SLC25A26: variants seen among roughly 807,000 people sequenced by gnomAD.
The protein encoded by SLC25A26 is solute carrier family 25 member 26.
A neutral mutation model predicts 37.8 loss-of-function variants in SLC25A26; 36 were observed. The ratio of observed to expected loss-of-function variants is 0.95; its 90% CI spans 0.73 to 1.26. SLC25A26 has a LOEUF of 1.26. Among genes scored for constraint, SLC25A26 ranks in the 50% most tolerant of loss-of-function variants. SLC25A26 has a pLI of 0.00. For missense variants in SLC25A26, 390 were observed against 331.1 expected, an observed-to-expected ratio of 1.18 and a Z score of -1.38; for synonymous variants, 129 against 122.5, an observed-to-expected ratio of 1.05 and a Z score of -0.35.
At chr3:66,210,337 T>C (rs934271825) in intron 1 of SLC25A26, among the ~76,000 whole-genome samples, 7 of 151,514 alleles carry the variant, frequency 4.6e-5, no homozygotes, top group Admixed American at 3.3e-4. Flanking sequence ...AAAGCTGGAG[T>C]GGGGTGATGT....
intron 5 of SLC25A26, among the ~76,000 whole-genome samples, chr3:66,341,207 C>T (rs1255625612): frequency 6.6e-6 from 1 of 152,110 alleles, no homozygotes; most frequent in African/African-American, 2.4e-5. Flanking sequence ...ATGATATTAG[C>T]CATACATTGT....
At chr3:66,282,962 G>A (rs984259168) in intron 5 of SLC25A26, among the ~76,000 whole-genome samples, 2 of 152,130 alleles carry the variant, frequency 1.3e-5, no homozygotes, top group Non-Finnish European at 2.9e-5. Flanking sequence ...TTTACAGATT[G>A]CCTTCTGTCA....
chr3:66,232,693 A>G (rs917110797), intron 1 of SLC25A26, among the ~76,000 whole-genome samples: 2 of 152,214 alleles, frequency 1.3e-5, no homozygotes, highest in African/African-American at 4.8e-5. Flanking sequence ...GGACTGAACA[A>G]AGGGCACATA....
chr3:66,312,621 C>T (rs1029720938), intron 5 of SLC25A26, among the ~76,000 whole-genome samples: 2 of 152,120 alleles, frequency 1.3e-5, no homozygotes, highest in Non-Finnish European at 2.9e-5. Context: ...ACCCAAGACC[C>T]TGGTGGCGTA....
chr3:66,215,656 A>G (rs1389771019), intron 1 of SLC25A26, among the ~76,000 whole-genome samples: 1 of 152,252 alleles, frequency 6.6e-6, no homozygotes, highest in African/African-American at 2.4e-5. Context: ...ACATAAAGCC[A>G]TATGACTGGT....
At chr3:66,295,539 C>G (rs548229672) in intron 5 of SLC25A26, among the ~76,000 whole-genome samples, 19 of 151,866 alleles carry the variant, frequency 1.3e-4, no homozygotes, top group African/African-American at 4.6e-4. Context: ...GTAGCTGGGA[C>G]TACAGGTGCC....
intron 1 of SLC25A26, among the ~76,000 whole-genome samples, chr3:66,221,877 A>G (rs781998591): frequency 6.6e-6 from 1 of 151,590 alleles, no homozygotes; most frequent in Non-Finnish European, 1.5e-5. Flanking sequence ...TAATTTTTAA[A>G]ATGATTTTCA....
chr3:66,174,146 C>G (rs995279032), intron 1 of SLC25A26, among the ~76,000 whole-genome samples: 2 of 151,916 alleles, frequency 1.3e-5, no homozygotes, highest in South Asian at 4.2e-4. Context: ...AGATAGGATG[C>G]TCCTGTTCAG....
intron 6 of SLC25A26, among the ~76,000 whole-genome samples, chr3:66,348,972 T>TA (rs1461220137): frequency 5.3e-5 from 8 of 152,218 alleles, no homozygotes; most frequent in Non-Finnish European, 1.2e-4. Flanking sequence ...AAACAAGACT[T>TA]ACTTTATTAG....
Position 66,236,637 on chromosome 3 carries a change from G to T in SLC25A26, c.127G>T (p.Ala43Ser), listed in dbSNP as rs1038674455. The change falls in exon 2 of 10, where the codon GCT (alanine) becomes TCT (serine). Residue 43 changes from alanine to serine, a missense_variant. Coordinates refer to ENST00000354883, the MANE Select transcript of SLC25A26 (RefSeq NM_001379210.1). ...GCAGAGTCCCCAAGGATTTAGTAAG[G>T]CTGGTGGTTTTCATGGAATATATGC... ...RLQSPQGFSKAGGFHGIYAGV... is the reference protein window; with the variant it reads ...RLQSPQGFSKSGGFHGIYAGV... The T allele has an allele frequency of 1.3e-6, 2 of 1,529,118 alleles. No individual in the cohort carries two copies. Among genetic ancestry groups the T allele is most frequent in the Admixed American group, 2.0e-5 (1 of 50,910 alleles). The allele number at this position is 1,529,118 out of a possible 1,614,324, so 94.7% of individuals were successfully genotyped here. A position where few individuals can be genotyped will look rare whatever the true frequency, so the allele number is the denominator to read the frequency against.
At chr3:66,204,200 C>T (rs1013463427) in intron 1 of SLC25A26, among the ~76,000 whole-genome samples, 1 of 151,830 alleles carries the variant, frequency 6.6e-6, no homozygotes, top group Non-Finnish European at 1.5e-5. Context: ...CCGAGATGGG[C>T]GGATCACGAG....
chr3:66,248,004 T>C (rs187940700), intron 3 of SLC25A26, among the ~76,000 whole-genome samples: 20 of 152,362 alleles, frequency 1.3e-4, no homozygotes, highest in Admixed American at 1.2e-3. Context: ...AATACTTTAG[T>C]GCAATCATTA....
chr3:66,137,642 A>G (rs1236357578), intron 1 of SLC25A26, among the ~76,000 whole-genome samples: 1 of 152,068 alleles, frequency 6.6e-6, no homozygotes. Flanking sequence ...GGCCTAAGAC[A>G]CTCATAGAGT....
At chr3:66,262,665 A>G (rs2073575985) in intron 4 of SLC25A26, among the ~76,000 whole-genome samples, 1 of 152,184 alleles carries the variant, frequency 6.6e-6, no homozygotes, top group South Asian at 2.1e-4. Flanking sequence ...CCTTTTTTTA[A>G]AAAGACATGA....
intron 5 of SLC25A26, among the ~76,000 whole-genome samples, chr3:66,288,592 C>G (rs550772346): frequency 6.6e-6 from 1 of 152,206 alleles, no homozygotes; most frequent in South Asian, 2.1e-4. Flanking sequence ...TTTTCTGTTC[C>G]TGTGTTACTT....
chr3:66,328,159 G>T (rs1290757074), intron 5 of SLC25A26, among the ~76,000 whole-genome samples: 1 of 152,098 alleles, frequency 6.6e-6, no homozygotes, highest in Admixed American at 6.5e-5. Context: ...AAGTTGTGCA[G>T]ATTATTTTGT....
chr3:66,248,824 C>T (rs999723224), intron 3 of SLC25A26, among the ~76,000 whole-genome samples: 5 of 152,138 alleles, frequency 3.3e-5, no homozygotes, highest in Non-Finnish European at 7.3e-5. Context: ...ATGAGCATCT[C>T]CCCATACTTC....
intron 5 of SLC25A26, among the ~76,000 whole-genome samples, chr3:66,292,467 TCAGGAGCTCC>T (rs943986072): frequency 6.6e-6 from 1 of 152,198 alleles, no homozygotes; most frequent in Non-Finnish European, 1.5e-5. Context: ...AGTGCTTCCT[TCAGGAGCTCC>T]CATAAGCCAG....
At chr3:66,155,873 C>T (rs768033624) in intron 1 of SLC25A26, among the ~76,000 whole-genome samples, 2 of 152,176 alleles carry the variant, frequency 1.3e-5, no homozygotes, top group South Asian at 2.1e-4. Flanking sequence ...CATACAGGCT[C>T]CTCTGCTTTG....
Sources: allele counts gnomAD v4.1 joint callset (sites outside exome capture counted in the v4.1 genomes callset), GRCh38; gene constraint gnomAD v4.1.1; transcripts MANE v1.5; gene names NCBI Gene and HGNC (gene_info 2026-07-23, HGNC 2026-07-21).